The following DGCR2 variants were observed in gnomAD, a reference collection of about 807,000 sequenced individuals.
DGCR2 encodes DiGeorge syndrome critical region gene 2, also known as integral membrane protein DGCR2/IDD.
DGCR2 carries 24 observed loss-of-function variants against 51.6 expected under a neutral mutation model. The ratio of observed to expected loss-of-function variants is 0.47; its 90% CI spans 0.34 to 0.65. The LOEUF (loss-of-function observed/expected upper bound fraction) is 0.65. Ranked by LOEUF, DGCR2 falls within the 30% of genes least tolerant of loss-of-function variation. The probability of loss-of-function intolerance (pLI) is 0.01; values close to 1 mark genes in which losing one functional copy is unlikely to be tolerated. For missense variants in DGCR2, 765 were observed against 772.1 expected (o/e 0.99, Z 0.11); for synonymous variants, 340 against 315.4 (o/e 1.08, Z -0.82).
intron 2 of DGCR2, among the ~76,000 whole-genome samples, chr22:19,075,976 T>C (rs1318186474): frequency 6.6e-6 from 1 of 151,766 alleles, no homozygotes; most frequent in Non-Finnish European, 1.5e-5. Flanking sequence ...TTTTATTTTT[T>C]GAGACAGAGT....
At chr22:19,048,416 G>C in intron 7 of DGCR2, 24 bp downstream of exon 7, 1 of 1,613,052 alleles carries the variant, frequency 6.2e-7, no homozygotes, top group Non-Finnish European at 8.5e-7. Context: ...AGGCTGACTT[G>C]GGACGTCCTA....
rs1352012294 is a variant in DGCR2 at position 19,041,160 on chromosome 22, G to GA, written c.1293dup (p.Pro432SerfsTer32). ...TCCGGGTACTTGTATGCCGTGTAGGGAGGTGGAGGGTCGTGGAAATGGAAA... is the reference window on the plus strand; with the variant it reads ...TCCGGGTACTTGTATGCCGTGTAGGGAAGGTGGAGGGTCGTGGAAATGGAAA... On this transcript the variant is annotated frameshift_variant, in exon 9 of 10. Coordinates refer to ENST00000263196, the MANE Select transcript of DGCR2 (RefSeq NM_005137.3). LOFTEE classifies it high-confidence loss of function. 1.2e-6 allele frequency: 2 copies of GA among 1,613,966 alleles called. No individual in the cohort carries two copies. Among genetic ancestry groups the GA allele is most frequent in the Non-Finnish European group, 1.7e-6 (2 of 1,180,000 alleles).
At chr22:19,090,033 G>A (rs548660336) in intron 1 of DGCR2, among the ~76,000 whole-genome samples, 95 of 152,328 alleles carry the variant, frequency 6.2e-4, no homozygotes, top group Non-Finnish European at 3.4e-4. Context: ...GGCCCTTTAC[G>A]AACCTATTAC....
intron 2 of DGCR2, among the ~76,000 whole-genome samples, chr22:19,085,237 A>C (rs530550304): frequency 1.2e-4 from 18 of 152,202 alleles, no homozygotes; most frequent in Non-Finnish European, 2.4e-4. Context: ...GTGTGAGCAA[A>C]AGTAAAGTGG....
chr22:19,050,041 G>GAGGC (rs2082532785), intron 6 of DGCR2, among the ~76,000 whole-genome samples: 1 of 151,538 alleles, frequency 6.6e-6, no homozygotes, highest in Non-Finnish European at 1.5e-5. Context: ...GAGAGAGAAA[G>GAGGC]AGGCAAAAAA....
rs981907639 is a variant in DGCR2 at position 19,057,221 on chromosome 22, GTCC to G, written c.626-62_626-60del. 8.3e-5 allele frequency: 123 copies of G among 1,481,512 alleles called. 1 individual carries two copies. The Admixed American group carries it at 2.7e-3, about 33-fold the overall frequency. 91.8% of individuals were successfully genotyped at this position (1,481,512 alleles called of 1,614,324 possible). ...ATCACATCAGAGGACAAGCTGTGCA[GTCC>G]TCAAGGGGACCATGGCGTCAGACAG... On this transcript the variant is annotated intron_variant, in intron 5 of 9. Coordinates refer to ENST00000263196, the MANE Select transcript of DGCR2 (RefSeq NM_005137.3). The surrounding 1 kb of genome is among the most constrained non-coding windows in gnomAD (Gnocchi z 5.1).
chr22:19,041,228 C>T lies in DGCR2; in HGVS notation c.1226G>A (p.Gly409Asp). The T allele has an allele frequency of 6.2e-7, 1 of 1,614,124 alleles. No homozygotes were observed. The highest frequency in any genetic ancestry group is 8.5e-7 in the Non-Finnish European group (1 of 1,180,006). ...GTCAGAAAGATGCAGCGGCGTGAGG[C>T]CCGTGCCAAACCCGTCTGGGCCGTA... ...FDYGPDGFGT[G>D]LTPLHLSDDG... is the part of the protein sequence containing the mutation. The change falls in exon 9 of 10, where the codon GGC (glycine) becomes GAC (aspartate). Residue 409 changes from glycine (G) to aspartate (D), a missense_variant. Physicochemically the swap from Gly to Asp is moderately conservative, Grantham distance 94. This residue lies in a region of DGCR2 where 190 missense variants were observed against 265.2 expected (regional missense o/e 0.72). Transcript: ENST00000263196.
intron 5 of DGCR2, 81 bp downstream of exon 5, chr22:19,063,121 G>A (rs1405780842): frequency 1.4e-5 from 19 of 1,355,134 alleles, no homozygotes; most frequent in Non-Finnish European, 1.7e-5. Flanking sequence ...AGGCAGCACT[G>A]GGTAAGAGGG....
intron 5 of DGCR2, among the ~76,000 whole-genome samples, chr22:19,062,774 T>TTCTCTC (rs1569052709): frequency 3.5e-5 from 4 of 113,870 alleles, no homozygotes; most frequent in African/African-American, 6.5e-5. Context: ...CACACATGCA[T>TTCTCTC]GCTCACTCTC....
chr22:19,053,526 C>T (rs978929952), intron 6 of DGCR2, among the ~76,000 whole-genome samples: 4 of 152,148 alleles, frequency 2.6e-5, no homozygotes, highest in African/African-American at 2.4e-5. Context: ...GCCCAACTCT[C>T]GCCCAGATCA....
At chr22:19,051,942 G>A (rs1278647444) in intron 6 of DGCR2, among the ~76,000 whole-genome samples, 4 of 152,154 alleles carry the variant, frequency 2.6e-5, no homozygotes, top group African/African-American at 4.8e-5. Flanking sequence ...AACAGTAAGC[G>A]CTGGGGAGGA....
At chr22:19,121,960 C>T (rs1306923324) in intron 1 of DGCR2, 168 bp downstream of exon 1, 2 of 322,584 alleles carry the variant, frequency 6.2e-6, no homozygotes, top group Admixed American at 1.0e-4. Context: ...CAGGTAAGCT[C>T]CAGCAGGCGT....
intron 2 of DGCR2, among the ~76,000 whole-genome samples, chr22:19,080,980 C>T (rs1200076024): frequency 6.6e-6 from 1 of 152,204 alleles, no homozygotes; most frequent in East Asian, 1.9e-4. Context: ...CCACCCTTGG[C>T]ACTCAGAGCC....
At chr22:19,062,550 A>T (rs1033453545) in intron 5 of DGCR2, among the ~76,000 whole-genome samples, 5 of 152,104 alleles carry the variant, frequency 3.3e-5, no homozygotes, top group African/African-American at 1.2e-4. Context: ...CCCAACAGAC[A>T]GGGAAGGGGC....
At chr22:19,045,673 C>T (rs1470699159) in intron 7 of DGCR2, among the ~76,000 whole-genome samples, 3 of 152,210 alleles carry the variant, frequency 2.0e-5, no homozygotes, top group Non-Finnish European at 4.4e-5. Flanking sequence ...AATCCTCTTG[C>T]CTCAGACTCC....
chr22:19,062,070 G>A (rs2082669414), intron 5 of DGCR2, among the ~76,000 whole-genome samples: 1 of 152,138 alleles, frequency 6.6e-6, no homozygotes, highest in Non-Finnish European at 1.5e-5. Context: ...ACCAGTGTCA[G>A]GAGGACAAGC....
chr22:19,063,767 T>A (rs1328441669), intron 4 of DGCR2, among the ~76,000 whole-genome samples: 1 of 152,168 alleles, frequency 6.6e-6, no homozygotes, highest in Non-Finnish European at 1.5e-5. Flanking sequence ...ACTGTTTCTA[T>A]GAGCTAAACC....
chr22:19,069,555 C>T (rs2082790529), intron 2 of DGCR2, among the ~76,000 whole-genome samples: 1 of 152,214 alleles, frequency 6.6e-6, no homozygotes, highest in African/African-American at 2.4e-5. Context: ...TCACATCAGA[C>T]ACTCCATTTC....
chr22:19,102,880 C>T (rs2083218863), intron 1 of DGCR2, among the ~76,000 whole-genome samples: 1 of 152,038 alleles, frequency 6.6e-6, no homozygotes, highest in African/African-American at 2.4e-5. Context: ...GTGGCATGCA[C>T]CTATGGTCCT....
Sources: gnomAD v4.1 joint callset for allele counts (sites outside exome capture counted in the v4.1 genomes callset) on GRCh38, gnomAD v4.1.1 for gene constraint, gnomAD v4.1.1 regional missense constraint, Gnocchi (gnomAD v3.1) non-coding constraint, MANE v1.5 for transcripts, NCBI Gene and HGNC (gene_info 2026-07-23, HGNC 2026-07-21) for gene names.